Variants in CEP112 observed in about 807,000 individuals in gnomAD.
CEP112 encodes centrosomal protein 112, also known as centrosomal protein of 112 kDa.
A neutral mutation model predicts 153.0 loss-of-function variants in CEP112; 127 were observed. The observed-to-expected ratio is 0.83, with a 90% confidence interval of 0.72 to 0.96. CEP112 has a LOEUF of 0.96. CEP112 is among the 40% of genes least tolerant of loss of function. CEP112 has a pLI of 0.00. For missense variants in CEP112, 1,089 were observed against 1,101.2 expected (o/e 0.99, Z 0.16); for synonymous variants, 358 against 374.4 (o/e 0.96, Z 0.51).
At chr17:65,971,172 GCA>G (rs2062762707) in intron 17 of CEP112, among the ~76,000 whole-genome samples, 2 of 55,242 alleles carry the variant, frequency 3.6e-5, no homozygotes, top group East Asian at 0.014. Context: ...TACATGTACA[GCA>G]CATGTACAGC....
At chr17:65,658,669 G>A (rs1165328966) in intron 24 of CEP112, among the ~76,000 whole-genome samples, 1 of 152,092 alleles carries the variant, frequency 6.6e-6, no homozygotes, top group East Asian at 1.9e-4. Context: ...AAGAATCACA[G>A]GCCAGAAGAA....
chr17:66,038,392 CTACACACAATTT>C (rs71851590), intron 12 of CEP112, among the ~76,000 whole-genome samples: 8,312 of 152,168 alleles, frequency 0.055, 296 homozygotes, highest in South Asian at 0.11. Context: ...CACTAATGTT[CTACACACAATTT>C]TACACACAAA....
chr17:65,873,951 ATAAAG>A (rs2058743315), intron 20 of CEP112, among the ~76,000 whole-genome samples: 1 of 152,216 alleles, frequency 6.6e-6, no homozygotes, highest in South Asian at 2.1e-4. Flanking sequence ...AGTGTATATA[ATAAAG>A]TAGATGCTGT....
intron 23 of CEP112, among the ~76,000 whole-genome samples, chr17:65,705,287 T>C (rs1443467374): frequency 6.6e-6 from 1 of 152,218 alleles, no homozygotes; most frequent in Non-Finnish European, 1.5e-5. Context: ...AATGAGGAAA[T>C]AGTGACCTAC....
intron 19 of CEP112, among the ~76,000 whole-genome samples, chr17:65,904,144 AAGAG>A (rs1192045790): frequency 1.3e-5 from 2 of 152,204 alleles, no homozygotes; most frequent in African/African-American, 2.4e-5. Context: ...TTCAAATAGA[AAGAG>A]AGAAAGTCAA....
At chr17:65,925,139 C>T (rs1021007027) in intron 19 of CEP112, among the ~76,000 whole-genome samples, 9 of 152,074 alleles carry the variant, frequency 5.9e-5, no homozygotes, top group African/African-American at 2.2e-4. Context: ...GGGGCAGCTT[C>T]CCCCCGTACT....
chr17:65,935,346 C>T (rs2061269348), intron 18 of CEP112, among the ~76,000 whole-genome samples: 2 of 152,162 alleles, frequency 1.3e-5, no homozygotes, highest in Admixed American at 1.3e-4. Flanking sequence ...ACTACACTCT[C>T]AACAGTAGAC....
At chr17:65,863,398 C>T (rs1472266084) in intron 20 of CEP112, among the ~76,000 whole-genome samples, 2 of 152,072 alleles carry the variant, frequency 1.3e-5, no homozygotes, top group African/African-American at 2.4e-5. Flanking sequence ...TAATTAAATA[C>T]TAATAAGCTC....
At chr17:65,671,777 G>A (rs1234776996) in intron 24 of CEP112, among the ~76,000 whole-genome samples, 6 of 152,102 alleles carry the variant, frequency 3.9e-5, no homozygotes, top group Non-Finnish European at 7.4e-5. Flanking sequence ...ATGTCCACAA[G>A]TAATTAGAAT....
chr17:65,733,894 G>A (rs1443315933), intron 23 of CEP112, among the ~76,000 whole-genome samples: 1 of 152,138 alleles, frequency 6.6e-6, no homozygotes, highest in Non-Finnish European at 1.5e-5. Flanking sequence ...AAATCCAAAA[G>A]TCCTCCGAAA....
chr17:66,141,143 T>C (rs1411891345), intron 4 of CEP112, among the ~76,000 whole-genome samples: 1 of 149,842 alleles, frequency 6.7e-6, no homozygotes. Context: ...TCCTTTGTTT[T>C]CTCAGAAAAT....
rs184779233 is a variant in CEP112 at position 65,758,901 on chromosome 17, G to A, written c.2395-8177C>T. On this transcript the variant is annotated intron_variant, in intron 21 of 26. Coordinates refer to ENST00000535342, the MANE Select transcript of CEP112 (RefSeq NM_001199165.4). ...GTATGAACCAGAGCAACTCCATCTTGAATAGGGGATGGGTAAAATGAGGCG... is the reference window on the plus strand; with the variant it reads ...GTATGAACCAGAGCAACTCCATCTTAAATAGGGGATGGGTAAAATGAGGCG... Among the ~76,000 whole-genome samples, 575 of 152,280 alleles carry A rather than the reference G, an allele frequency of 3.8e-3. 3 individuals are homozygous for A. Among genetic ancestry groups the A allele is most frequent in the Non-Finnish European group, 4.1e-3 (281 of 68,018 alleles).
At chr17:66,170,255 CCAA>C (rs146995417) in intron 4 of CEP112, among the ~76,000 whole-genome samples, 62 of 152,136 alleles carry the variant, frequency 4.1e-4, no homozygotes, top group African/African-American at 1.4e-3. Context: ...ATGAAGACCA[CCAA>C]CAAGACAATT....
At chr17:66,024,811 G>C (rs942754287) in intron 16 of CEP112, among the ~76,000 whole-genome samples, 2 of 151,890 alleles carry the variant, frequency 1.3e-5, no homozygotes, top group African/African-American at 4.8e-5. Context: ...AATTCATATG[G>C]CATTAAAAAA....
At chr17:65,826,270 T>G in intron 21 of CEP112, 1 of 1,614,062 alleles carries the variant, frequency 6.2e-7, no homozygotes, top group South Asian at 1.1e-5. Context: ...CCTTGGCAGA[T>G]GGATGGTCTA....
chr17:65,816,519 GT>G (rs1281469163), intron 21 of CEP112, among the ~76,000 whole-genome samples: 1 of 151,796 alleles, frequency 6.6e-6, no homozygotes, highest in African/African-American at 2.4e-5. Flanking sequence ...CTTTGAATAG[GT>G]GTTAAACTTT....
chr17:65,905,090 A>G (rs2060019118), intron 19 of CEP112, among the ~76,000 whole-genome samples: 1 of 152,244 alleles, frequency 6.6e-6, no homozygotes, highest in African/African-American at 2.4e-5. Context: ...AACAAAAGCC[A>G]AAATTGACAA....
At chr17:66,050,358 A>G (rs2145908010) in intron 12 of CEP112, among the ~76,000 whole-genome samples, 1 of 152,290 alleles carries the variant, frequency 6.6e-6, no homozygotes, top group East Asian at 1.9e-4. Context: ...AAAGGATTCT[A>G]GAGCCTCAAG....
intron 12 of CEP112, among the ~76,000 whole-genome samples, chr17:66,039,487 A>G (rs909197554): frequency 2.0e-5 from 3 of 152,140 alleles, no homozygotes; most frequent in Non-Finnish European, 4.4e-5. Flanking sequence ...CCATGAAAAT[A>G]GGACTATTTT....
Sources: gnomAD v4.1 joint callset for allele counts (sites outside exome capture counted in the v4.1 genomes callset) on GRCh38, gnomAD v4.1.1 for gene constraint, MANE v1.5 for transcripts, NCBI Gene and HGNC (gene_info 2026-07-23, HGNC 2026-07-21) for gene names.